Variants in BLTP2 observed in about 807,000 individuals in gnomAD.
BLTP2 encodes the protein bridge-like lipid transfer protein family member 2.
chr17:28,616,216 G>A, the BLTP2 span: 24 of 1,608,628 alleles, frequency 1.5e-5, no homozygotes, highest in South Asian at 2.2e-5. The surrounding 1 kb of genome is among the most constrained non-coding windows in gnomAD (Gnocchi z 4.8). Flanking sequence ...GGCAGGCAAG[G>A]AGTGTGAGCC....
At chr17:28,639,149 G>A in the BLTP2 span, 3 of 686,070 alleles carry the variant, frequency 4.4e-6, no homozygotes, top group Non-Finnish European at 7.6e-6. Flanking sequence ...TGCTATCAAG[G>A]AGTCTAGTCT....
the BLTP2 span, chr17:28,639,519 A>G: frequency 6.2e-7 from 1 of 1,613,526 alleles, no homozygotes; most frequent in Admixed American, 1.7e-5. Context: ...TCAAAACGAA[A>G]TAATGTAGCG....
the BLTP2 span, chr17:28,633,686 G>A: frequency 6.2e-7 from 1 of 1,613,986 alleles, no homozygotes; most frequent in Non-Finnish European, 8.5e-7. Flanking sequence ...TCCACACACT[G>A]GCCAATTAGT....
At chr17:28,635,113 G>A in the BLTP2 span, 211 of 1,613,762 alleles carry the variant, frequency 1.3e-4, 2 homozygotes, top group South Asian at 2.1e-3. Context: ...AAACTCCACC[G>A]AGACTGAGCC....
chr17:28,625,316 C>CA, the BLTP2 span, among the ~76,000 whole-genome samples: 4 of 92,768 alleles, frequency 4.3e-5, no homozygotes, highest in African/African-American at 9.0e-5. Context: ...AGCCTGGTGA[C>CA]AGAGCAAGAC....
At chr17:28,624,125 C>G in the BLTP2 span, 6 of 1,438,810 alleles carry the variant, frequency 4.2e-6, no homozygotes, top group Non-Finnish European at 5.7e-6. Context: ...ATGAGAAGGC[C>G]AAATTTTTTG....
At chr17:28,618,636 AAT>A in the BLTP2 span, 7 of 581,078 alleles carry the variant, frequency 1.2e-5, no homozygotes, top group South Asian at 5.2e-5. Flanking sequence ...TCTGCTCATT[AAT>A]ATGATTAATG....
the BLTP2 span, chr17:28,637,270 C>A: frequency 4.5e-6 from 4 of 886,072 alleles, no homozygotes; most frequent in Middle Eastern, 2.3e-4. Context: ...TATCTTTATT[C>A]CTCATGCCTC....
chr17:28,623,792 T>C, the BLTP2 span: 10 of 1,614,126 alleles, frequency 6.2e-6, no homozygotes, highest in Middle Eastern at 3.3e-4. Flanking sequence ...TCCTGCTCTG[T>C]GGGGCTGCTT....
chr17:28,634,419 C>A, the BLTP2 span: 3 of 1,231,684 alleles, frequency 2.4e-6, no homozygotes, highest in Non-Finnish European at 3.4e-6. Flanking sequence ...CAAAACGGCA[C>A]AGTTCCCAAT....
chr17:28,619,696 G>T, the BLTP2 span: 1 of 1,614,036 alleles, frequency 6.2e-7, no homozygotes, highest in Non-Finnish European at 8.5e-7. Flanking sequence ...CTGCAGGTTG[G>T]CCTTCTCCTG....
chr17:28,624,413 G>A, the BLTP2 span: 3 of 1,604,462 alleles, frequency 1.9e-6, no homozygotes, highest in Non-Finnish European at 2.6e-6. Context: ...TAGGAAGCAG[G>A]GAAAGGTCAC....
chr17:28,620,865 T>C, the BLTP2 span: 1 of 1,023,438 alleles, frequency 9.8e-7, no homozygotes, highest in Non-Finnish European at 1.5e-6. Context: ...TAGAGCAAAG[T>C]GAAATGTTAA....
the BLTP2 span, chr17:28,620,883 G>GCC: frequency 9.1e-7 from 1 of 1,103,902 alleles, no homozygotes; most frequent in Non-Finnish European, 1.3e-6. Context: ...TAATGCCAGT[G>GCC]CACAGTGGAT....
chr17:28,640,705 G>A, the BLTP2 span: 40 of 1,612,146 alleles, frequency 2.5e-5, no homozygotes, highest in African/African-American at 3.2e-4. Flanking sequence ...AATGAATAAC[G>A]TAAGAACCAT....
the BLTP2 span, chr17:28,616,610 G>T: frequency 6.2e-7 from 1 of 1,614,028 alleles, no homozygotes; most frequent in South Asian, 1.1e-5. The surrounding 1 kb of genome is among the most constrained non-coding windows in gnomAD (Gnocchi z 4.8). Context: ...CACCATAAAA[G>T]TTCTCACCAG....
chr17:28,616,793 T>C, the BLTP2 span: 2 of 1,613,440 alleles, frequency 1.2e-6, no homozygotes, highest in Non-Finnish European at 1.7e-6. This position sits in a 1 kb window ranked among gnomAD's most constrained non-coding sequence, Gnocchi z 4.8. Flanking sequence ...TAAGCTCAGA[T>C]ACCATCATCA....
At chr17:28,628,705 T>G in the BLTP2 span, 2 of 678,076 alleles carry the variant, frequency 2.9e-6, no homozygotes, top group African/African-American at 3.6e-5. Context: ...GAGGCCGAAG[T>G]GGGCAAATCA....
At chr17:28,634,746 G>A in the BLTP2 span, 1 of 1,614,150 alleles carries the variant, frequency 6.2e-7, no homozygotes, top group Non-Finnish European at 8.5e-7. Context: ...GGGAACGCTG[G>A]ATGTAGATTT....
Sources: allele counts gnomAD v4.1 joint callset (sites outside exome capture counted in the v4.1 genomes callset), GRCh38; gene constraint gnomAD v4.1.1; non-coding constraint Gnocchi (gnomAD v3.1); transcripts MANE v1.5; gene names NCBI Gene and HGNC (gene_info 2026-07-23, HGNC 2026-07-21).